Variants in BRD4 observed in about 807,000 individuals in gnomAD.
The protein encoded by BRD4 is bromodomain-containing protein 4.
BRD4 carries 16 observed loss-of-function variants against 142.1 expected under a neutral mutation model. The ratio of observed to expected loss-of-function variants is 0.11; its 90% confidence interval spans 0.08 to 0.17. BRD4 has a LOEUF of 0.17. Among genes scored for constraint, BRD4 ranks in the 10% least tolerant of loss-of-function variants. BRD4 has a pLI of 1.00. For synonymous variants in BRD4, 833 were observed against 707.5 expected, an observed-to-expected ratio of 1.18 and a Z score of -2.82; for missense variants, 1,424 against 1,810.9, an observed-to-expected ratio of 0.79 and a Z score of 3.88.
At chr19:15,268,711 C>G (rs1164954221) in intron 3 of BRD4, among the ~76,000 whole-genome samples, 194 bp downstream of exon 3, 1 of 152,062 alleles carries the variant, frequency 6.6e-6, no homozygotes, top group Non-Finnish European at 1.5e-5. Context: ...CACCCTCCTC[C>G]CAGCAAAAAA....
intron 1 of BRD4, among the ~76,000 whole-genome samples, chr19:15,311,640 A>T (rs966131076): frequency 7.0e-6 from 1 of 141,966 alleles, no homozygotes; most frequent in African/African-American, 2.6e-5. Flanking sequence ...AAAATACATT[A>T]AAAAAAAAAA....
At chr19:15,255,840 C>T (rs2047402554) in intron 9 of BRD4, among the ~76,000 whole-genome samples, 1 of 152,230 alleles carries the variant, frequency 6.6e-6, no homozygotes, top group Non-Finnish European at 1.5e-5. Flanking sequence ...CTATCCTCCC[C>T]AACCAAACAT....
chr19:15,294,364 C>T (rs188479205), intron 1 of BRD4, among the ~76,000 whole-genome samples: 1 of 152,386 alleles, frequency 6.6e-6, no homozygotes, highest in Admixed American at 6.5e-5. Flanking sequence ...TGCTGTCTGC[C>T]AGCTAGGTGG....
In BRD4 at chr19:15,332,422, CACCGCCGGCA is replaced by C. The variant is rs1318369548; in HGVS notation, c.-177_-168del. 1 of 146,846 alleles carries C rather than the reference CACCGCCGGCA, an allele frequency of 6.8e-6. No individual in the cohort carries two copies. Among genetic ancestry groups the C allele is most frequent in the Non-Finnish European group, 1.5e-5 (1 of 65,906 alleles). 9.1% of individuals were successfully genotyped at this position (146,846 alleles called of 1,614,324 possible). On this transcript the variant is annotated 5_prime_UTR_variant, in exon 1 of 20. Transcript: ENST00000679869. The stretch of plus-strand genomic sequence containing the variant: ...CTCACAGGCCGCGCTCGCCCGCGGG[CACCGCCGGCA>C]GCCGCCGCAGCCGCTGCCGCCGCCA...
At chr19:15,273,811 ATTTTCTTT>A (rs1374903386) in intron 1 of BRD4, among the ~76,000 whole-genome samples, 1 of 138,526 alleles carries the variant, frequency 7.2e-6, no homozygotes. Context: ...TAGACCTACC[ATTTTCTTT>A]TTTTTTTTTT....
At chr19:15,300,193 C>T (rs980864759) in intron 1 of BRD4, among the ~76,000 whole-genome samples, 2 of 151,980 alleles carry the variant, frequency 1.3e-5, no homozygotes, top group Non-Finnish European at 2.9e-5. Flanking sequence ...TGCAGTGAGA[C>T]GTCACAGCCA....
At chr19:15,305,741 CT>C (rs949082940) in intron 1 of BRD4, among the ~76,000 whole-genome samples, 1 of 152,244 alleles carries the variant, frequency 6.6e-6, no homozygotes, top group African/African-American at 2.4e-5. Context: ...GAGAGGCAGC[CT>C]GTCCTTTGAA....
chr19:15,269,091 C>T (rs200381248), intron 2 of BRD4, 49 bp from the exon 3 acceptor site: 1 of 1,606,422 alleles, frequency 6.2e-7, no homozygotes, highest in East Asian at 2.2e-5. Flanking sequence ...AGCCAGGCAG[C>T]ACAAACGCTG....
At chr19:15,285,968 C>T (rs1343605794) in intron 1 of BRD4, among the ~76,000 whole-genome samples, 4 of 152,114 alleles carry the variant, frequency 2.6e-5, no homozygotes, top group African/African-American at 9.7e-5. Context: ...CAGCATGAGA[C>T]CCACTGGCCT....
chr19:15,280,220 AGT>A lies in BRD4; in HGVS notation c.-34-7089_-34-7088del, dbSNP rs1360587394. On this transcript the variant is annotated intron_variant, in intron 1 of 19. Coordinates refer to ENST00000679869, the MANE Select transcript of BRD4 (RefSeq NM_001379291.1). ...TGGTTGGCTGGACGTCATTTGGAAC[AGT>A]GTGTGCTTCAAGTCCTCTGCTCCAC... 4 of 1,000,546 alleles carry A rather than the reference AGT, an allele frequency of 4.0e-6. No individual in the cohort carries two copies. The African/African-American group carries it at 5.2e-5, about 13-fold the overall frequency. The allele number at this position is 1,000,546 out of a possible 1,614,324, so 62.0% of individuals were successfully genotyped here. A position where few individuals can be genotyped will look rare whatever the true frequency, so the allele number is the denominator to read the frequency against.
At position 15,239,323 on chromosome 19, in the gene BRD4, G is replaced by A. The variant is rs1384972881; in HGVS notation, c.3577-59C>T. On this transcript the variant is annotated intron_variant, in intron 17 of 19. Transcript: ENST00000679869. This position sits in a 1 kb window ranked among gnomAD's most constrained non-coding sequence, Gnocchi z 7.4. ...TCTGCTGTGCCTAAAGGGCATAGCTGGGGGTGTGCCCAGCATGGCACCTTC... is the reference window on the plus strand; with the variant it reads ...TCTGCTGTGCCTAAAGGGCATAGCTAGGGGTGTGCCCAGCATGGCACCTTC... The A allele has an allele frequency of 8.7e-6, 14 of 1,613,936 alleles. No individual in the cohort carries two copies. Among genetic ancestry groups the A allele is most frequent in the Non-Finnish European group, 1.2e-5 (14 of 1,180,032 alleles).
At chr19:15,261,084 G>A (rs2047465412) in intron 7 of BRD4, among the ~76,000 whole-genome samples, 4 of 152,224 alleles carry the variant, frequency 2.6e-5, no homozygotes, top group Admixed American at 2.6e-4. Flanking sequence ...CAAAAGCTGC[G>A]CCCCTGTCTT....
At chr19:15,282,633 C>G (rs1313854051) in intron 1 of BRD4, among the ~76,000 whole-genome samples, 1 of 152,230 alleles carries the variant, frequency 6.6e-6, no homozygotes, top group African/African-American at 2.4e-5. Flanking sequence ...TTAATTCAAG[C>G]TATGCATTCC....
rs1209792997 is a variant in BRD4 at position 15,267,546 on chromosome 19, T to A, written c.429A>T (p.Gly143=). ...CTTCTGCCATTAAGACTATGTCATC[T>A]CCAGGCTGGATAAGGAGACACAGGG... is the stretch of plus-strand genomic sequence containing the variant. ...FTNCYIYNKP[G]DDIVLMAEAL... The change falls in exon 4 of 20, where the codon GGA becomes GGT. Residue 143 remains glycine (G), a synonymous_variant. Coordinates refer to ENST00000679869, the MANE Select transcript of BRD4 (RefSeq NM_001379291.1). 6.2e-7 allele frequency: 1 copy of A among 1,613,188 alleles called. No homozygotes were observed. The highest frequency in any genetic ancestry group is 1.1e-5 in the South Asian group (1 of 91,058).
At chr19:15,245,307 G>A (rs2047275864) in intron 11 of BRD4, among the ~76,000 whole-genome samples, 1 of 152,118 alleles carries the variant, frequency 6.6e-6, no homozygotes, top group Non-Finnish European at 1.5e-5. Context: ...GGGAAGCAGA[G>A]AGGCTCAGCT....
At chr19:15,245,997 G>C (rs760669730) in intron 11 of BRD4, among the ~76,000 whole-genome samples, 2 of 152,198 alleles carry the variant, frequency 1.3e-5, no homozygotes, top group African/African-American at 4.8e-5. Context: ...GATGGGGAAG[G>C]ACCTTGTGCC....
chr19:15,299,944 T>G (rs1366075951), intron 1 of BRD4, among the ~76,000 whole-genome samples: 1 of 152,144 alleles, frequency 6.6e-6, no homozygotes, highest in African/African-American at 2.4e-5. Flanking sequence ...ACAAAGAGAA[T>G]CCCTTGGAGT....
chr19:15,272,706 A>G (rs553817144), intron 2 of BRD4, 109 bp downstream of exon 2: 4 of 1,071,184 alleles, frequency 3.7e-6, no homozygotes, highest in South Asian at 3.1e-5. Context: ...AGCTCTCACC[A>G]TGATTCCAAA....
chr19:15,329,693 C>T (rs947163557), intron 1 of BRD4, among the ~76,000 whole-genome samples: 3 of 152,098 alleles, frequency 2.0e-5, no homozygotes, highest in Admixed American at 6.6e-5. Context: ...GAGCCGAGAT[C>T]GCACCACTGC....
Sources: gnomAD v4.1 joint callset for allele counts (sites outside exome capture counted in the v4.1 genomes callset) on GRCh38, gnomAD v4.1.1 for gene constraint, Gnocchi (gnomAD v3.1) non-coding constraint, MANE v1.5 for transcripts, NCBI Gene and HGNC (gene_info 2026-07-23, HGNC 2026-07-21) for gene names.